The following PSPC1 variants were observed in gnomAD, a reference collection of about 807,000 sequenced individuals.
PSPC1 encodes the protein paraspeckle protein 1.
PSPC1 carries 14 observed loss-of-function variants against 51.6 expected under a neutral mutation model. That is an observed-to-expected ratio of 0.27 (90% CI 0.18 to 0.42). The LOEUF is 0.42. Among genes scored for constraint, PSPC1 ranks in the 10% least tolerant of loss-of-function variants. The pLI is 1.00. For synonymous variants in PSPC1, 193 were observed against 231.9 expected, an observed-to-expected ratio of 0.83 and a Z score of 1.53; for missense variants, 406 against 701.1, an observed-to-expected ratio of 0.58 and a Z score of 4.75.
Position 19,726,143 on chromosome 13 carries a change from G to A in PSPC1, c.1158+4096C>T, listed in dbSNP as rs532930828. On this transcript the variant is annotated intron_variant, in intron 6 of 8. Coordinates refer to ENST00000338910, the MANE Select transcript of PSPC1 (RefSeq NM_001354909.2). Reference sequence around the variant, plus strand: ...TCAATAGCCACTGCACTCCAGCCTGGGCAACACAGCAAGATACCATCAATA... The same window carrying A: ...TCAATAGCCACTGCACTCCAGCCTGAGCAACACAGCAAGATACCATCAATA... 6.6e-5 allele frequency among the ~76,000 whole-genome samples: 10 copies of A among 152,036 alleles called. No homozygotes were observed. In the East Asian group the frequency reaches 1.9e-3, roughly 29 times the overall value.
intron 4 of PSPC1, among the ~76,000 whole-genome samples, chr13:19,745,606 T>G (rs1885888005): frequency 6.6e-6 from 1 of 151,950 alleles, no homozygotes; most frequent in Non-Finnish European, 1.5e-5. Flanking sequence ...TCCAGATTTA[T>G]GACACTGAAT....
chr13:19,762,134 G>C (rs1053314268), intron 2 of PSPC1, among the ~76,000 whole-genome samples: 1 of 152,196 alleles, frequency 6.6e-6, no homozygotes, highest in Non-Finnish European at 1.5e-5. Context: ...CACAGTGCGG[G>C]AGAGGAGAAG....
downstream of PSPC1, among the ~76,000 whole-genome samples, chr13:19,697,760 CA>C: frequency 6.6e-6 from 1 of 152,164 alleles, no homozygotes. Flanking sequence ...TACTTTTTCT[CA>C]ATACATAAAA....
intron 6 of PSPC1, among the ~76,000 whole-genome samples, chr13:19,719,699 T>C (rs551739059): frequency 2.7e-4 from 41 of 152,360 alleles, no homozygotes; most frequent in African/African-American, 7.0e-4. Flanking sequence ...CAAATTCAAC[T>C]GAATGTGTAG....
At chr13:19,773,326 T>C (rs1050798515) in intron 1 of PSPC1, among the ~76,000 whole-genome samples, 4 of 150,060 alleles carry the variant, frequency 2.7e-5, no homozygotes, top group South Asian at 2.1e-4. Flanking sequence ...CTCGGCTCAC[T>C]GTAACCTCTG....
chr13:19,687,510 T>C (rs1444056902), intron 6 of PSPC1, among the ~76,000 whole-genome samples: 4 of 152,182 alleles, frequency 2.6e-5, no homozygotes, highest in Non-Finnish European at 5.9e-5. Flanking sequence ...CAAGATCTTT[T>C]CCCCGAGCAT....
rs1880454631 is a variant in PSPC1, at chr13:19,704,905, TTTAATG to T, written c.1386+751_1386+756del. Among the ~76,000 whole-genome samples the T allele has an allele frequency of 2.0e-5, 3 of 152,178 alleles. No individual in the cohort carries two copies. In the South Asian group the frequency reaches 6.2e-4, roughly 31 times the overall value. On this transcript the variant is annotated intron_variant, in intron 8 of 8. Coordinates refer to ENST00000338910, the MANE Select transcript of PSPC1 (RefSeq NM_001354909.2). Reference sequence around the variant, plus strand: ...TGGTGGTTTGGAAATACACAAAAACTTTAATGTTAATTTACAGCCAAATTCTTTGCA... The same window carrying T: ...TGGTGGTTTGGAAATACACAAAAACTTTAATTTACAGCCAAATTCTTTGCA...
In PSPC1 at chr13:19,782,171, T is replaced by C. The variant is rs1890044957; in HGVS notation, c.372+215A>G. Among the ~76,000 whole-genome samples the C allele has an allele frequency of 6.6e-6, 1 of 152,158 alleles. No homozygotes were observed. The highest frequency in any genetic ancestry group is 1.5e-5 in the Non-Finnish European group (1 of 68,024). The stretch of plus-strand genomic sequence containing the variant: ...GCGCACGGCAGAAAACGGCGGCCAC[T>C]GTGAGCGCAGGAAATCCCGGGACCG... On this transcript the variant is annotated intron_variant, in intron 1 of 8. Coordinates refer to ENST00000338910, the MANE Select transcript of PSPC1 (RefSeq NM_001354909.2). This position sits in a 1 kb window ranked among gnomAD's most constrained non-coding sequence, Gnocchi z 4.5.
intron 1 of PSPC1, among the ~76,000 whole-genome samples, chr13:19,775,425 T>C (rs561844463): frequency 1.3e-5 from 2 of 152,164 alleles, no homozygotes; most frequent in Non-Finnish European, 2.9e-5. Flanking sequence ...AGCATTTACA[T>C]TGTACTAGGT....
At chr13:19,697,389 T>C (rs990408954) in intron 6 of PSPC1, among the ~76,000 whole-genome samples, 1 of 152,220 alleles carries the variant, frequency 6.6e-6, no homozygotes, top group Admixed American at 6.5e-5. Context: ...TTTTTTCCAC[T>C]GTTGTATCTT....
rs141774188 is a variant in PSPC1 at position 19,771,285 on chromosome 13, G to C, written c.674+957C>G. ...CCCAAGTAGCTGGGATTACAGGCAC[G>C]CAGCACCAAGCCCGGCTAATTCCTC... On this transcript the variant is annotated intron_variant, in intron 2 of 8. Transcript: ENST00000338910. 4.3e-3 allele frequency among the ~76,000 whole-genome samples: 649 copies of C among 152,116 alleles called. 4 individuals are homozygous for C. The highest frequency in any genetic ancestry group is 0.01 in the Middle Eastern group (3 of 294).
intron 5 of PSPC1, among the ~76,000 whole-genome samples, chr13:19,732,374 C>T (rs1196934151): frequency 6.6e-6 from 1 of 152,122 alleles, no homozygotes; most frequent in African/African-American, 2.4e-5. Context: ...TGTTGAAATT[C>T]AGTTTTTCTC....
intron 6 of PSPC1, among the ~76,000 whole-genome samples, chr13:19,696,325 T>C (rs970666587): frequency 1.4e-4 from 22 of 152,200 alleles, no homozygotes; most frequent in African/African-American, 5.1e-4. Flanking sequence ...TTATAGAATC[T>C]ACTTTCTGGG....
intron 4 of PSPC1, among the ~76,000 whole-genome samples, chr13:19,746,059 G>A (rs1402836779): frequency 1.4e-5 from 2 of 147,498 alleles, no homozygotes; most frequent in Non-Finnish European, 3.0e-5. Context: ...AGGCTGGAGT[G>A]CGGTGGTGCG....
chr13:19,690,453 A>G (rs2137641226), intron 6 of PSPC1, among the ~76,000 whole-genome samples: 1 of 152,356 alleles, frequency 6.6e-6, no homozygotes, highest in East Asian at 1.9e-4. Context: ...TCAATGTATA[A>G]CAAAGGAAGA....
chr13:19,782,685 C>A lies in PSPC1; in HGVS notation c.73G>T (p.Ala25Ser). Residue 25 changes from alanine to serine, a missense_variant, in exon 1 of 9, where the codon GCG (alanine) becomes TCG (serine). Transcript: ENST00000338910. This position sits in a 1 kb window ranked among gnomAD's most constrained non-coding sequence, Gnocchi z 4.5. ...GCCGCCGGCTCGCTCTCGCCCACCGCGGACTCCAGGGCGCGAAGGCGGGCC... is the reference window on the plus strand; with the variant it reads ...GCCGCCGGCTCGCTCTCGCCCACCGAGGACTCCAGGGCGCGAAGGCGGGCC... ...NPARLRALES[A>S]VGESEPAAAA... 6.4e-7 allele frequency: 1 copy of A among 1,567,784 alleles called. No homozygotes were observed.
intron 6 of PSPC1, among the ~76,000 whole-genome samples, chr13:19,694,730 AG>A (rs1879002300): frequency 6.6e-6 from 1 of 152,228 alleles, no homozygotes; most frequent in Non-Finnish European, 1.5e-5. Flanking sequence ...AGGACTCAAC[AG>A]CCAAATGCCA....
At chr13:19,692,404 C>T (rs568449262) in intron 6 of PSPC1, among the ~76,000 whole-genome samples, 5 of 152,256 alleles carry the variant, frequency 3.3e-5, no homozygotes, top group African/African-American at 7.2e-5. Context: ...CATGTCACTG[C>T]GCCCACCCGG....
At chr13:19,726,645 T>C (rs1883386671) in intron 6 of PSPC1, among the ~76,000 whole-genome samples, 1 of 152,166 alleles carries the variant, frequency 6.6e-6, no homozygotes, top group Non-Finnish European at 1.5e-5. Context: ...TGGCATGTGC[T>C]TGTTGTCTCA....
Sources: allele counts gnomAD v4.1 joint callset (sites outside exome capture counted in the v4.1 genomes callset), GRCh38; gene constraint gnomAD v4.1.1; non-coding constraint Gnocchi (gnomAD v3.1); transcripts MANE v1.5; gene names NCBI Gene and HGNC (gene_info 2026-07-23, HGNC 2026-07-21).